HERC3: variants seen among roughly 807,000 people sequenced by gnomAD.
The protein encoded by HERC3 is HECT and RLD domain containing E3 ubiquitin protein ligase 3.
Under a neutral mutation model 129.9 loss-of-function variants are expected in HERC3, and 58 were observed. The ratio of observed to expected loss-of-function variants is 0.45; its 90% confidence interval spans 0.36 to 0.56. HERC3 has a LOEUF of 0.56. Among genes scored for constraint, HERC3 ranks in the 20% least tolerant of loss-of-function variants. The pLI is 0.00. For synonymous variants in HERC3, 430 were observed against 451.0 expected, an observed-to-expected ratio of 0.95 and a Z score of 0.59; for missense variants, 835 against 1,244.2, an observed-to-expected ratio of 0.67 and a Z score of 4.95.
At chr4:88,682,590 G>C (rs916028093) in intron 21 of HERC3, among the ~76,000 whole-genome samples, 1 of 150,506 alleles carries the variant, frequency 6.6e-6, no homozygotes, top group African/African-American at 2.4e-5. Context: ...TTTTGTCCTT[G>C]TGATAGTTTG....
chr4:88,657,456 G>A (rs1297667636), intron 9 of HERC3: 1 of 152,148 alleles, frequency 6.6e-6, no homozygotes, highest in Non-Finnish European at 1.5e-5. Flanking sequence ...CCTCTTCTCT[G>A]TAATTTGTAA....
At chr4:88,539,038 G>A in the HERC3 span, among the ~76,000 whole-genome samples, 1 of 152,162 alleles carries the variant, frequency 6.6e-6, no homozygotes, top group Non-Finnish European at 1.5e-5. Context: ...ATTTCCAACT[G>A]AGATACCTGG....
In HERC3 at chr4:88,653,095, G is replaced by A; in HGVS notation, c.685+5G>A. On this transcript the variant is annotated splice_donor_5th_base_variant and intron_variant, in intron 6 of 25. Transcript: ENST00000402738. Reference sequence around the variant, plus strand: ...TAGGGCTCAGTGATGAAAAAGGTAGGTAAACCCTTCATATGTATGTATTTA... The same window carrying A: ...TAGGGCTCAGTGATGAAAAAGGTAGATAAACCCTTCATATGTATGTATTTA... The A allele has an allele frequency of 6.2e-7, 1 of 1,613,560 alleles. No individual in the cohort carries two copies. Among genetic ancestry groups the A allele is most frequent in the Non-Finnish European group, 8.5e-7 (1 of 1,179,574 alleles).
intron 3 of HERC3, among the ~76,000 whole-genome samples, chr4:88,637,819 T>G (rs907575841): frequency 2.6e-5 from 4 of 152,070 alleles, no homozygotes; most frequent in African/African-American, 9.7e-5. Flanking sequence ...GCTGGTTTTT[T>G]GAAAAAATTA....
At chr4:88,647,435 C>T (rs969286345) in intron 3 of HERC3, among the ~76,000 whole-genome samples, 5 of 152,116 alleles carry the variant, frequency 3.3e-5, no homozygotes, top group African/African-American at 9.7e-5. Flanking sequence ...ACAGAAAAGC[C>T]GTCCAAGTCC....
In HERC3 at chr4:88,697,416, A is replaced by G. The variant is rs200702753; in HGVS notation, c.2658-6682A>G. 4.8e-4 allele frequency: 771 copies of G among 1,613,998 alleles called. 5 individuals are homozygous for G. In the East Asian group the frequency reaches 0.016, roughly 34 times the overall value. ...CTTGGATCTTGGCGAGTAGGGGCTT[A>G]TAGATGTCATTATACTTTTTTTCCA... On this transcript the variant is annotated intron_variant, in intron 23 of 25. Coordinates refer to ENST00000402738, the MANE Select transcript of HERC3 (RefSeq NM_014606.3).
chr4:88,652,779 G>A (rs1729432501), intron 5 of HERC3, 90 bp from the exon 6 acceptor site: 3 of 1,350,020 alleles, frequency 2.2e-6, no homozygotes, highest in Non-Finnish European at 3.0e-6. Flanking sequence ...GTGTTGGGGG[G>A]CAACTGGCAA....
chr4:88,673,588 C>G lies in HERC3; in HGVS notation c.1912-2630C>G, dbSNP rs1731840064. ...GGAATGGATAGTCCAAGACAAGTAGCCTCTCAGGAGATAATCATGTATCTT... is the reference window on the plus strand; with the variant it reads ...GGAATGGATAGTCCAAGACAAGTAGGCTCTCAGGAGATAATCATGTATCTT... On this transcript the variant is annotated intron_variant, in intron 16 of 25. Transcript: ENST00000402738. Among the ~76,000 whole-genome samples, 3 of 152,264 alleles carry G rather than the reference C, an allele frequency of 2.0e-5. No individual in the cohort carries two copies. The South Asian group carries it at 6.2e-4, about 32-fold the overall frequency.
At position 88,659,739 on chromosome 4, in the gene HERC3, A is replaced by G. The variant is rs979017462; in HGVS notation, c.1146+1248A>G. On this transcript the variant is annotated intron_variant, in intron 10 of 25. Transcript: ENST00000402738. ...GTCCATAAGTAATAGAGTTTTAAGTATTTATTTCCCCTAGAAACTAGTATT... is the reference window on the plus strand; with the variant it reads ...GTCCATAAGTAATAGAGTTTTAAGTGTTTATTTCCCCTAGAAACTAGTATT... Among the ~76,000 whole-genome samples, 3 of 152,252 alleles carry G rather than the reference A, an allele frequency of 2.0e-5. No individual in the cohort carries two copies. The East Asian group carries it at 5.8e-4, about 29-fold the overall frequency.
chr4:88,609,381 A>G (rs1184156533), intron 3 of HERC3, among the ~76,000 whole-genome samples: 1 of 152,232 alleles, frequency 6.6e-6, no homozygotes, highest in Non-Finnish European at 1.5e-5. Flanking sequence ...ATCTGTGTAA[A>G]TATTGAATGC....
chr4:88,658,212 A>G, intron 9 of HERC3: 1 of 382,762 alleles, frequency 2.6e-6, no homozygotes, highest in Non-Finnish European at 4.6e-6. Flanking sequence ...GTTAGAGTGG[A>G]GGATACCATT....
At chr4:88,587,467 GAACATATCATGTAATGTCACTA>G (rs1721561865), upstream of HERC3, among the ~76,000 whole-genome samples, 1 of 152,166 alleles carries the variant, frequency 6.6e-6, no homozygotes. Context: ...TAATGTCACT[GAACATATCATGTAATGTCACTA>G]AACATATTAC....
intron 23 of HERC3, among the ~76,000 whole-genome samples, chr4:88,695,486 T>G (rs1734511418): frequency 6.6e-6 from 1 of 152,158 alleles, no homozygotes; most frequent in Admixed American, 6.5e-5. Flanking sequence ...AAACCTGATA[T>G]TATATTGAGG....
At chr4:88,643,982 C>T (rs1399979087) in intron 3 of HERC3, among the ~76,000 whole-genome samples, 1 of 152,136 alleles carries the variant, frequency 6.6e-6, no homozygotes, top group African/African-American at 2.4e-5. Context: ...GAACTTCGAA[C>T]AGACATTTAT....
chr4:88,633,387 G>A (rs1345334188), intron 3 of HERC3, among the ~76,000 whole-genome samples: 1 of 152,194 alleles, frequency 6.6e-6, no homozygotes, highest in African/African-American at 2.4e-5. Flanking sequence ...TAAGATTACT[G>A]TAACTTAAAG....
the HERC3 span, among the ~76,000 whole-genome samples, chr4:88,560,813 T>C: frequency 0.06 from 9,196 of 152,182 alleles, 417 homozygotes; most frequent in Middle Eastern, 0.13. Context: ...AGAAATCCAG[T>C]TTTCCTAGCA....
the HERC3 span, among the ~76,000 whole-genome samples, chr4:88,575,893 G>C: frequency 3.3e-5 from 5 of 152,134 alleles, no homozygotes; most frequent in Admixed American, 6.6e-5. Flanking sequence ...CAGTATGCTA[G>C]GTGCTGCGTA....
chr4:88,549,990 G>T, the HERC3 span, among the ~76,000 whole-genome samples: 418 of 152,216 alleles, frequency 2.7e-3, 1 homozygote, highest in African/African-American at 9.3e-3. Context: ...TTTCCTTATT[G>T]GGGAATCGAA....
At chr4:88,575,958 A>G in the HERC3 span, among the ~76,000 whole-genome samples, 1 of 152,180 alleles carries the variant, frequency 6.6e-6, no homozygotes, top group Non-Finnish European at 1.5e-5. Flanking sequence ...TTATACTTTT[A>G]GAGGATGACC....
Sources: allele counts gnomAD v4.1 joint callset (sites outside exome capture counted in the v4.1 genomes callset), GRCh38; gene constraint gnomAD v4.1.1; transcripts MANE v1.5; gene names NCBI Gene and HGNC (gene_info 2026-07-23, HGNC 2026-07-21).